Variants in THBS1 observed in about 807,000 individuals in gnomAD.
THBS1 encodes the protein thrombospondin 1, also known as thrombospondin-1.
Under a neutral mutation model 126.1 loss-of-function variants are expected in THBS1, and 29 were observed. That is an observed-to-expected ratio of 0.23 (90% CI 0.17 to 0.31). The LOEUF (loss-of-function observed/expected upper bound fraction) is 0.31. THBS1 is among the 10% of genes least tolerant of loss of function. The pLI is 1.00. For synonymous variants in THBS1, 496 were observed against 577.8 expected (o/e 0.86, Z 2.03); for missense variants, 1,198 against 1,545.2 (o/e 0.78, Z 3.77).
At chr15:39,581,963 G>C in intron 2 of THBS1, 39 bp downstream of exon 2, 1 of 1,608,430 alleles carries the variant, frequency 6.2e-7, no homozygotes, top group Non-Finnish European at 8.5e-7. Flanking sequence ...GGAGGGACAA[G>C]GAAGAGGTGC....
chr15:39,593,036 A>C lies in THBS1; in HGVS notation c.2804A>C (p.Asp935Ala). ...GGTGATGCCTGCAAAGATGATTTTG[A>C]CCATGACAGTGTGCCAGACATCGAT... Reference protein sequence around the residue: ...GRGDACKDDFDHDSVPDIDDI... With the variant: ...GRGDACKDDFAHDSVPDIDDI... The change falls in exon 18 of 22, where the codon GAC becomes GCC. Residue 935 changes from aspartate (D) to alanine (A), a missense_variant. This residue lies in a region of THBS1 where 255 missense variants were observed against 373.9 expected (regional missense o/e 0.68). Coordinates refer to ENST00000260356, the MANE Select transcript of THBS1 (RefSeq NM_003246.4). The surrounding 1 kb of genome is among the most constrained non-coding windows in gnomAD (Gnocchi z 5.9). 1 of 1,612,202 alleles carries C rather than the reference A, an allele frequency of 6.2e-7. No individual in the cohort carries two copies. Among genetic ancestry groups the C allele is most frequent in the Non-Finnish European group, 8.5e-7 (1 of 1,179,238 alleles).
At chr15:39,582,883 C>A (rs1890140312) in intron 3 of THBS1, 131 bp downstream of exon 3, 1 of 1,060,370 alleles carries the variant, frequency 9.4e-7, no homozygotes, top group East Asian at 2.6e-5. Flanking sequence ...ATGAGCATCA[C>A]CTGGAGGGCT....
chr15:39,588,942 C>A lies in THBS1; in HGVS notation c.1646-17C>A, dbSNP rs1340345183. ...GACCAACCATTTACTGTGACTGTCT[C>A]TCTCTCCTTGTCTCAGATGGATGCC... On this transcript the variant is annotated splice_polypyrimidine_tract_variant and intron_variant, in intron 10 of 21. Transcript: ENST00000260356. 4 of 1,614,178 alleles carry A rather than the reference C, an allele frequency of 2.5e-6. No individual in the cohort carries two copies. Among genetic ancestry groups the A allele is most frequent in the Non-Finnish European group, 3.4e-6 (4 of 1,180,036 alleles).
chr15:39,588,227 G>A lies in THBS1; in HGVS notation c.1471+9G>A, dbSNP rs2140346835. The A allele has an allele frequency of 1.2e-6, 2 of 1,611,866 alleles. No homozygotes were observed. The highest frequency in any genetic ancestry group is 1.7e-4 in the Middle Eastern group (1 of 6,048). On this transcript the variant is annotated intron_variant, in intron 9 of 21. Coordinates refer to ENST00000260356, the MANE Select transcript of THBS1 (RefSeq NM_003246.4). ...GAAAGACGCCTGCCCCAGTAAGTGT[G>A]AGGTCCGCTGCAAGGGTGAGCATGG... is the stretch of plus-strand genomic sequence containing the variant.
In THBS1 at chr15:39,593,263, G is replaced by A; in HGVS notation, c.2995+36G>A. ...AGTTCTTAGATCCTAAGAGACTGAT[G>A]CATACATGGGGAAAAACAAATATAA... On this transcript the variant is annotated intron_variant, in intron 18 of 21. Transcript: ENST00000260356. This position sits in a 1 kb window ranked among gnomAD's most constrained non-coding sequence, Gnocchi z 5.9. 1.2e-6 allele frequency: 2 copies of A among 1,610,418 alleles called. No individual in the cohort carries two copies. The highest frequency in any genetic ancestry group is 1.1e-5 in the South Asian group (1 of 91,000).
In THBS1 at chr15:39,593,484, G is replaced by A; in HGVS notation, c.3083G>A (p.Gly1028Asp). ...RDDDYAGFVF[G>D]YQSSSRFYVV... Reference sequence around the variant, plus strand: ...GATGACTATGCTGGATTTGTCTTTGGCTACCAGTCCAGCAGCCGCTTTTAT... The same window carrying A: ...GATGACTATGCTGGATTTGTCTTTGACTACCAGTCCAGCAGCCGCTTTTAT... Residue 1028 changes from glycine to aspartate, a missense_variant, in exon 19 of 22, where the codon GGC becomes GAC. Around this residue, in one of 4 missense-constraint regions of THBS1, gnomAD observed 255 missense variants for 373.9 expected, o/e 0.68. Transcript: ENST00000260356. This position sits in a 1 kb window ranked among gnomAD's most constrained non-coding sequence, Gnocchi z 5.9. 1 of 1,614,116 alleles carries A rather than the reference G, an allele frequency of 6.2e-7. No homozygotes were observed. The highest frequency in any genetic ancestry group is 1.7e-5 in the Admixed American group (1 of 60,018).
rs1280344540 is a variant in THBS1 at position 39,592,402 on chromosome 15, T to G, written c.2533-166T>G. Among the ~76,000 whole-genome samples, 1 of 152,212 alleles carries G rather than the reference T, an allele frequency of 6.6e-6. No homozygotes were observed. Among genetic ancestry groups the G allele is most frequent in the African/African-American group, 2.4e-5 (1 of 41,446 alleles). On this transcript the variant is annotated intron_variant, in intron 16 of 21. Transcript: ENST00000260356. The surrounding 1 kb of genome is among the most constrained non-coding windows in gnomAD (Gnocchi z 4.3). ...AGATAAAGGAAAAAAACTTTTAAAA[T>G]GTAATTGCTACTATTGCTATCTTTC...
At position 39,596,870 on chromosome 15, in the gene THBS1, A is replaced by AACTT. The variant is rs1890459828; in HGVS notation, c.*1504_*1507dup. On this transcript the variant is annotated 3_prime_UTR_variant, in exon 22 of 22. Coordinates refer to ENST00000260356, the MANE Select transcript of THBS1 (RefSeq NM_003246.4). ...AAGAGAAAAAAATGACAAAAGGTGA[A>AACTT]ACTTACATACAAATATTACCTCATT... is the stretch of plus-strand genomic sequence containing the variant. 6.6e-6 allele frequency: 1 copy of AACTT among 152,250 alleles called. No homozygotes were observed. Among genetic ancestry groups the AACTT allele is most frequent in the Non-Finnish European group, 1.5e-5 (1 of 68,044 alleles). The allele number at this position is 152,250 out of a possible 1,614,324, so 9.4% of individuals were successfully genotyped here. A position where few individuals can be genotyped will look rare whatever the true frequency, so the allele number is the denominator to read the frequency against.
chr15:39,590,294 C>T (rs564688243), intron 13 of THBS1, among the ~76,000 whole-genome samples: 10 of 152,164 alleles, frequency 6.6e-5, no homozygotes, highest in Middle Eastern at 3.2e-3. Context: ...CAAAGCATGA[C>T]TTGTGTTCAC....
intron 8 of THBS1, 23 bp from the exon 9 acceptor site, chr15:39,588,019 T>C (rs757765615): frequency 1.9e-5 from 31 of 1,605,902 alleles, no homozygotes; most frequent in Non-Finnish European, 2.6e-5. Context: ...AAACCATTTG[T>C]GACCATCAAC....
chr15:39,591,159 ATTG>A, intron 14 of THBS1, 29 bp from the exon 15 acceptor site: 2 of 1,606,730 alleles, frequency 1.2e-6, no homozygotes, highest in Non-Finnish European at 8.5e-7. Flanking sequence ...CAAGGACAAC[ATTG>A]TTAAGTGCTC....
Position 39,587,317 on chromosome 15 carries a change from G to A in THBS1, c.1121-30G>A, listed in dbSNP as rs369342745. 19 of 1,596,694 alleles carry A rather than the reference G, an allele frequency of 1.2e-5. No homozygotes were observed. The African/African-American group carries it at 2.3e-4, about 19-fold the overall frequency. On this transcript the variant is annotated intron_variant, in intron 7 of 21. Transcript: ENST00000260356. ...AAGAACAGCTTGTCCTAATCATCACGTACCTGATGAACCTCTGTTTCCCCT... is the reference window on the plus strand; with the variant it reads ...AAGAACAGCTTGTCCTAATCATCACATACCTGATGAACCTCTGTTTCCCCT...
intron 3 of THBS1, 113 bp from the exon 4 acceptor site, chr15:39,583,504 T>C (rs1234498456): frequency 2.5e-6 from 2 of 813,136 alleles, no homozygotes; most frequent in Admixed American, 2.5e-5. Flanking sequence ...GACAGCTCTT[T>C]GAAGCTTTTA....
rs997652032 is a variant in THBS1, at chr15:39,582,182, C to T, written c.68-11C>T. 1.1e-5 allele frequency: 17 copies of T among 1,582,320 alleles called. No homozygotes were observed. The highest frequency in any genetic ancestry group is 1.3e-5 in the Non-Finnish European group (15 of 1,163,834). Reference sequence around the variant, plus strand: ...TAGAAAGCTCACTTTGTGTTCTCTCCTGTCTAACAGAGTCTGGCGGAGACA... The same window carrying T: ...TAGAAAGCTCACTTTGTGTTCTCTCTTGTCTAACAGAGTCTGGCGGAGACA... On this transcript the variant is annotated splice_polypyrimidine_tract_variant and intron_variant, in intron 2 of 21. Coordinates refer to ENST00000260356, the MANE Select transcript of THBS1 (RefSeq NM_003246.4).
chr15:39,587,927 G>A, intron 8 of THBS1, 115 bp from the exon 9 acceptor site: 1 of 1,015,290 alleles, frequency 9.8e-7, no homozygotes, highest in South Asian at 1.6e-5. Flanking sequence ...ACCGTACACT[G>A]GGTTTAGTTG....
Position 39,587,328 on chromosome 15 carries a change from A to G in THBS1, c.1121-19A>G. On this transcript the variant is annotated intron_variant, in intron 7 of 21. Transcript: ENST00000260356. ...GTCCTAATCATCACGTACCTGATGAACCTCTGTTTCCCCTGCAGCCAGCGA... is the reference window on the plus strand; with the variant it reads ...GTCCTAATCATCACGTACCTGATGAGCCTCTGTTTCCCCTGCAGCCAGCGA... The G allele has an allele frequency of 6.2e-7, 1 of 1,602,658 alleles. No individual in the cohort carries two copies. Among genetic ancestry groups the G allele is most frequent in the Non-Finnish European group, 8.5e-7 (1 of 1,172,654 alleles).
chr15:39,593,378 C>T lies in THBS1; in HGVS notation c.2996-19C>T, dbSNP rs777763153. Reference sequence around the variant, plus strand: ...CTGAAGGCTGCAGGTTTTAACCTGGCTCTGGGCTCTTCTTCCAGGTTATGA... The same window carrying T: ...CTGAAGGCTGCAGGTTTTAACCTGGTTCTGGGCTCTTCTTCCAGGTTATGA... On this transcript the variant is annotated intron_variant, in intron 18 of 21. Transcript: ENST00000260356. This position sits in a 1 kb window ranked among gnomAD's most constrained non-coding sequence, Gnocchi z 5.9. 6.2e-7 allele frequency: 1 copy of T among 1,613,496 alleles called. No homozygotes were observed. Among genetic ancestry groups the T allele is most frequent in the Admixed American group, 1.7e-5 (1 of 59,956 alleles).
chr15:39,593,942 C>T lies in THBS1; in HGVS notation c.3268-157C>T. 1.1e-6 allele frequency: 1 copy of T among 909,864 alleles called. No individual in the cohort carries two copies. The allele number at this position is 909,864 out of a possible 1,614,324, so 56.4% of individuals were successfully genotyped here. A position where few individuals can be genotyped will look rare whatever the true frequency, so the allele number is the denominator to read the frequency against. ...TCTGCTTTATATGTGTGCTCAGTGG[C>T]ACACAACAAATATGAGAGGACTTGG... is the stretch of plus-strand genomic sequence containing the variant. On this transcript the variant is annotated intron_variant, in intron 19 of 21. Coordinates refer to ENST00000260356, the MANE Select transcript of THBS1 (RefSeq NM_003246.4). This position sits in a 1 kb window ranked among gnomAD's most constrained non-coding sequence, Gnocchi z 5.9.
chr15:39,584,217 C>T lies in THBS1; in HGVS notation c.903+30C>T, dbSNP rs770048444. ...GTGGCCTCTGCACCCAGCCCGTTAG[C>T]ATGAACCCTGGAAGGTTTATCGCAG... On this transcript the variant is annotated intron_variant, in intron 5 of 21. Transcript: ENST00000260356. 10 of 1,613,822 alleles carry T rather than the reference C, an allele frequency of 6.2e-6. No homozygotes were observed. In the Admixed American group the frequency reaches 1.7e-4, roughly 27 times the overall value.
Sources: gnomAD v4.1 joint callset for allele counts (sites outside exome capture counted in the v4.1 genomes callset) on GRCh38, gnomAD v4.1.1 for gene constraint, gnomAD v4.1.1 regional missense constraint, Gnocchi (gnomAD v3.1) non-coding constraint, MANE v1.5 for transcripts, NCBI Gene and HGNC (gene_info 2026-07-23, HGNC 2026-07-21) for gene names.